Variants in ITGA4 observed in about 807,000 individuals in gnomAD.
The protein encoded by ITGA4 is integrin subunit alpha 4.
A neutral mutation model predicts 133.6 loss-of-function variants in ITGA4; 63 were observed. The observed-to-expected ratio is 0.47, with a 90% CI of 0.38 to 0.58. The LOEUF is 0.58. ITGA4 is among the 20% of genes least tolerant of loss of function. ITGA4 has a pLI of 0.00. For synonymous variants in ITGA4, 483 were observed against 438.0 expected (o/e 1.10, Z -1.28); for missense variants, 1,076 against 1,252.7 (o/e 0.86, Z 2.13).
At chr2:181,532,567 G>A (rs1016090809) in intron 25 of ITGA4, among the ~76,000 whole-genome samples, 8 of 152,042 alleles carry the variant, frequency 5.3e-5, no homozygotes, top group Non-Finnish European at 8.8e-5. Context: ...TATTGTATAC[G>A]AATGCTTGTG....
chr2:181,492,875 A>G (rs528927443), intron 10 of ITGA4, among the ~76,000 whole-genome samples: 20 of 152,388 alleles, frequency 1.3e-4, no homozygotes, highest in African/African-American at 4.3e-4. Context: ...ATATTCATAG[A>G]TTATGAGGTT....
chr2:181,500,205 CCTTG>C (rs1232242492), intron 15 of ITGA4, among the ~76,000 whole-genome samples: 3 of 152,108 alleles, frequency 2.0e-5, no homozygotes, highest in Non-Finnish European at 4.4e-5. Context: ...TCCTAAGTTA[CCTTG>C]CTTGTGTTTG....
intron 15 of ITGA4, among the ~76,000 whole-genome samples, chr2:181,505,720 G>A (rs34454465): frequency 0.011 from 1,683 of 152,166 alleles, 17 homozygotes; most frequent in Non-Finnish European, 0.018. Flanking sequence ...TAAGAAAAGC[G>A]TAATTAATAG....
intron 2 of ITGA4, among the ~76,000 whole-genome samples, chr2:181,461,908 A>G (rs2105711257): frequency 6.6e-6 from 1 of 152,348 alleles, no homozygotes; most frequent in Middle Eastern, 3.4e-3. Context: ...TTGAATACTT[A>G]GTATAAGAAA....
chr2:181,529,902 A>G (rs1397138922), intron 23 of ITGA4, among the ~76,000 whole-genome samples: 2 of 152,194 alleles, frequency 1.3e-5, no homozygotes, highest in Admixed American at 6.5e-5. Context: ...TACCATCTCC[A>G]TTGAATAATT....
intron 14 of ITGA4, among the ~76,000 whole-genome samples, chr2:181,497,849 A>C (rs1490505158): frequency 6.6e-6 from 1 of 151,576 alleles, no homozygotes; most frequent in East Asian, 1.9e-4. Context: ...TCTGGCTTGG[A>C]CGTTTTTGTT....
rs1162877059 is a variant in ITGA4 at position 181,509,761 on chromosome 2, A to C, written c.1799A>C (p.Gln600Pro). Residue 600 changes from glutamine to proline, a missense_variant, in exon 16 of 28, where the codon CAG (glutamine) becomes CCG (proline). Around this residue, in one of 4 missense-constraint regions of ITGA4, gnomAD observed 365 missense variants for 421.4 expected, o/e 0.87. Transcript: ENST00000397033. ...KRSTEEFPPLQPILQQKKEKD... is the reference protein window; with the variant it reads ...KRSTEEFPPLPPILQQKKEKD... ...AGTACAGAGGAATTCCCACCACTTC[A>C]GCCAATTCTTCAGCAGAAGAAAGAA... The C allele has an allele frequency of 6.2e-7, 1 of 1,611,626 alleles. No homozygotes were observed. Among genetic ancestry groups the C allele is most frequent in the South Asian group, 1.1e-5 (1 of 90,774 alleles).
chr2:181,524,663 C>T (rs1310154303), intron 20 of ITGA4, among the ~76,000 whole-genome samples: 2 of 152,014 alleles, frequency 1.3e-5, no homozygotes. Context: ...TCAGAATAAA[C>T]GTCAAGATGG....
chr2:181,537,732 C>A lies in ITGA4; in HGVS notation c.*2205C>A. Reference sequence around the variant, plus strand: ...AAAGTTTTTTTGTGTGTCCAATAAACACATTGTAAAAAAAAGAATTTGAAT... The same window carrying A: ...AAAGTTTTTTTGTGTGTCCAATAAAAACATTGTAAAAAAAAGAATTTGAAT... On this transcript the variant is annotated 3_prime_UTR_variant, in exon 28 of 28. Coordinates refer to ENST00000397033, the MANE Select transcript of ITGA4 (RefSeq NM_000885.6). The A allele has an allele frequency of 2.3e-6, 1 of 439,546 alleles. No individual in the cohort carries two copies. The highest frequency in any genetic ancestry group is 2.4e-5 in the Admixed American group (1 of 40,914). The allele number at this position is 439,546 out of a possible 1,614,324, so 27.2% of individuals were successfully genotyped here. A position where few individuals can be genotyped will look rare whatever the true frequency, so the allele number is the denominator to read the frequency against.
At chr2:181,501,785 T>G (rs1298719941) in intron 15 of ITGA4, among the ~76,000 whole-genome samples, 1 of 152,138 alleles carries the variant, frequency 6.6e-6, no homozygotes, top group African/African-American at 2.4e-5. Flanking sequence ...AGTGGAAAAT[T>G]CTAGAGTTCA....
chr2:181,521,641 C>T (rs149872824), intron 17 of ITGA4, among the ~76,000 whole-genome samples: 6 of 152,226 alleles, frequency 3.9e-5, no homozygotes, highest in African/African-American at 1.4e-4. Context: ...TGGAGGTGAC[C>T]AGCTGCTTCA....
chr2:181,491,729 C>G (rs949675298), intron 10 of ITGA4, among the ~76,000 whole-genome samples: 2 of 151,998 alleles, frequency 1.3e-5, no homozygotes, highest in African/African-American at 4.8e-5. Context: ...AATACTTTTC[C>G]CCACTCCTTC....
chr2:181,507,422 AGGAGAAGTCTGTTTTGTTGAGT>A (rs1686415808), intron 15 of ITGA4, among the ~76,000 whole-genome samples: 1 of 152,106 alleles, frequency 6.6e-6, no homozygotes, highest in African/African-American at 2.4e-5. Context: ...CTTTTAGATA[AGGAGAAGTCTGTTTTGTTGAGT>A]ACCCTTTGAA....
chr2:181,466,294 G>T (rs184168642), intron 2 of ITGA4, among the ~76,000 whole-genome samples: 110 of 151,088 alleles, frequency 7.3e-4, no homozygotes, highest in Non-Finnish European at 1.2e-3. Flanking sequence ...AATAGAATAA[G>T]ATAAAAAAAA....
At chr2:181,520,221 G>A (rs1452070572) in intron 17 of ITGA4, among the ~76,000 whole-genome samples, 3 of 152,102 alleles carry the variant, frequency 2.0e-5, no homozygotes, top group Non-Finnish European at 2.9e-5. Context: ...AATTATTGAC[G>A]TCCAAGATAA....
intron 2 of ITGA4, among the ~76,000 whole-genome samples, chr2:181,461,449 G>A (rs1685275780): frequency 6.6e-6 from 1 of 151,768 alleles, no homozygotes; most frequent in Non-Finnish European, 1.5e-5. Context: ...TGCTCGTGAA[G>A]ACTATATCTG....
At chr2:181,463,109 A>G (rs1002736879) in intron 2 of ITGA4, among the ~76,000 whole-genome samples, 3 of 152,148 alleles carry the variant, frequency 2.0e-5, no homozygotes, top group African/African-American at 7.2e-5. Context: ...TAGCCAGAGG[A>G]AGAGGCTATG....
In ITGA4 at chr2:181,538,536, T is replaced by C. The variant is rs1484219053; in HGVS notation, c.*3009T>C. 6.6e-6 allele frequency among the ~76,000 whole-genome samples: 1 copy of C among 152,172 alleles called. No individual in the cohort carries two copies. On this transcript the variant is annotated 3_prime_UTR_variant, in exon 28 of 28. Coordinates refer to ENST00000397033, the MANE Select transcript of ITGA4 (RefSeq NM_000885.6). ...ATGTCTAGTGGGCACCCCTGCATGC[T>C]TCTTCTAACCACTGAGTGTCACAAT...
At chr2:181,482,116 A>G (rs1685817801) in intron 7 of ITGA4, among the ~76,000 whole-genome samples, 2 of 152,158 alleles carry the variant, frequency 1.3e-5, no homozygotes, top group African/African-American at 2.4e-5. Context: ...GAGGCAAACA[A>G]CACTTCCGGT....
Sources: gnomAD v4.1 joint callset for allele counts (sites outside exome capture counted in the v4.1 genomes callset) on GRCh38, gnomAD v4.1.1 for gene constraint, gnomAD v4.1.1 regional missense constraint, MANE v1.5 for transcripts, NCBI Gene and HGNC (gene_info 2026-07-23, HGNC 2026-07-21) for gene names.